Variants in SPOCK1 observed in about 807,000 individuals in gnomAD.
SPOCK1 encodes testican-1.
In SPOCK1, 23 loss-of-function variants were observed where a neutral mutation model predicts 55.3. The observed-to-expected ratio is 0.42, with a 90% CI of 0.30 to 0.59. The LOEUF (loss-of-function observed/expected upper bound fraction) is 0.59. SPOCK1 is among the 20% of genes least tolerant of loss of function. SPOCK1 has a pLI of 0.22. For synonymous variants in SPOCK1, 226 were observed against 221.0 expected (o/e 1.02, Z -0.20); for missense variants, 499 against 552.5 (o/e 0.90, Z 0.97).
chr5:137,436,552 T>C (rs537149997), intron 2 of SPOCK1, among the ~76,000 whole-genome samples: 19 of 152,300 alleles, frequency 1.2e-4, no homozygotes, highest in African/African-American at 4.6e-4. Context: ...TCCTCTATTA[T>C]GCATCATTTC....
At chr5:137,181,508 G>A (rs1754968155) in intron 3 of SPOCK1, among the ~76,000 whole-genome samples, 1 of 152,232 alleles carries the variant, frequency 6.6e-6, no homozygotes, top group African/African-American at 2.4e-5. Context: ...ACTCTAGGCT[G>A]AATTCAGGGA....
chr5:137,438,477 A>G (rs1752912564), intron 2 of SPOCK1, among the ~76,000 whole-genome samples: 1 of 152,174 alleles, frequency 6.6e-6, no homozygotes, highest in South Asian at 2.1e-4. Context: ...CAAAGGAGAA[A>G]TGCAAGTCCT....
At position 137,407,643 on chromosome 5, in the gene SPOCK1, A is replaced by G. The variant is rs116567351; in HGVS notation, c.186+90730T>C. On this transcript the variant is annotated intron_variant, in intron 2 of 10. Coordinates refer to ENST00000394945, the MANE Select transcript of SPOCK1 (RefSeq NM_004598.4). ...TCTTGAGTCCAAACCCCAACATAAA[A>G]TGCCAGTGATTCAGGCTAGACCATA... Among the ~76,000 whole-genome samples the G allele has an allele frequency of 2.6e-3, 393 of 152,176 alleles. 1 individual carries two copies. Among genetic ancestry groups the G allele is most frequent in the African/African-American group, 9.1e-3 (376 of 41,500 alleles).
intron 10 of SPOCK1, 45 bp from the exon 11 acceptor site, chr5:136,978,889 TC>T: frequency 6.4e-7 from 1 of 1,550,542 alleles, no homozygotes; most frequent in Non-Finnish European, 8.7e-7. Context: ...CACTTATACC[TC>T]ATGACCCACG....
rs532314301 is a variant in SPOCK1 at position 137,356,901 on chromosome 5, C to A, written c.187-89846G>T. On this transcript the variant is annotated intron_variant, in intron 2 of 10. Transcript: ENST00000394945. Reference sequence around the variant, plus strand: ...GTATGCAGACCAACCAGGGGGCCAGCTACTTACTATGTTTCCTCTCCCAGC... The same window carrying A: ...GTATGCAGACCAACCAGGGGGCCAGATACTTACTATGTTTCCTCTCCCAGC... Among the ~76,000 whole-genome samples the A allele has an allele frequency of 4.0e-5, 5 of 124,002 alleles. No individual in the cohort carries two copies. The East Asian group carries it at 1.2e-3, about 31-fold the overall frequency. The allele number at this position is 124,002 out of a possible 152,430, so 81.4% of individuals were successfully genotyped here.
At chr5:137,364,162 G>A (rs1297260883) in intron 2 of SPOCK1, among the ~76,000 whole-genome samples, 2 of 152,178 alleles carry the variant, frequency 1.3e-5, no homozygotes, top group Non-Finnish European at 2.9e-5. Context: ...CCCCTTCACA[G>A]GCCTTTCTGA....
chr5:137,149,197 A>G (rs528992031), intron 3 of SPOCK1, among the ~76,000 whole-genome samples: 58 of 152,324 alleles, frequency 3.8e-4, no homozygotes, highest in African/African-American at 1.4e-3. Context: ...GTTTCTGTGA[A>G]GTGTGCGTAT....
intron 2 of SPOCK1, among the ~76,000 whole-genome samples, chr5:137,353,367 C>T (rs1160107844): frequency 6.6e-6 from 1 of 152,012 alleles, no homozygotes. Flanking sequence ...GATGACAGAG[C>T]AAAACCCTGA....
chr5:137,046,591 C>CA (rs1383623277), intron 6 of SPOCK1, among the ~76,000 whole-genome samples: 1,816 of 100,464 alleles, frequency 0.018, 26 homozygotes, highest in Middle Eastern at 0.069. Flanking sequence ...CAAACAGGGA[C>CA]AATTTGACTT....
intron 2 of SPOCK1, chr5:137,273,241 A>G (rs1450898096): frequency 3.5e-5 from 11 of 317,262 alleles, no homozygotes; most frequent in Non-Finnish European, 5.0e-5. Context: ...TGAAAAATAA[A>G]TGTGTGTGGT....
intron 3 of SPOCK1, among the ~76,000 whole-genome samples, chr5:137,263,160 A>G (rs1224162402): frequency 6.6e-6 from 1 of 150,944 alleles, no homozygotes; most frequent in African/African-American, 2.4e-5. Context: ...AGTATCTGAT[A>G]GGTGTGTAGT....
intron 3 of SPOCK1, among the ~76,000 whole-genome samples, chr5:137,161,542 T>A (rs11748042): frequency 0.13 from 19,838 of 152,204 alleles, 1,463 homozygotes; most frequent in East Asian, 0.23. Flanking sequence ...ACATTTTTTA[T>A]GATTTATATT....
At chr5:137,340,151 G>T (rs1160610892) in intron 2 of SPOCK1, among the ~76,000 whole-genome samples, 2 of 152,144 alleles carry the variant, frequency 1.3e-5, no homozygotes, top group Non-Finnish European at 2.9e-5. Flanking sequence ...GGGCCTTTCA[G>T]TCTCCAGCTG....
intron 3 of SPOCK1, among the ~76,000 whole-genome samples, chr5:137,143,979 G>C (rs1242343250): frequency 1.3e-5 from 2 of 152,154 alleles, no homozygotes; most frequent in South Asian, 2.1e-4. Flanking sequence ...CTCATGCCAA[G>C]GGCCCAAGTG....
At chr5:137,102,373 A>T (rs1373015727) in intron 5 of SPOCK1, among the ~76,000 whole-genome samples, 1 of 152,144 alleles carries the variant, frequency 6.6e-6, no homozygotes, top group Non-Finnish European at 1.5e-5. Flanking sequence ...TGGGGCTATT[A>T]AAATCCCTAT....
intron 3 of SPOCK1, among the ~76,000 whole-genome samples, chr5:137,251,950 T>C (rs1419235823): frequency 6.6e-6 from 1 of 151,884 alleles, no homozygotes; most frequent in East Asian, 1.9e-4. Flanking sequence ...GACAGAGTCT[T>C]GCTCTGTTGC....
chr5:137,389,941 C>T (rs770072492), intron 2 of SPOCK1, among the ~76,000 whole-genome samples: 4 of 152,148 alleles, frequency 2.6e-5, no homozygotes, highest in African/African-American at 4.8e-5. Context: ...ATACCACCCC[C>T]GCCCCATCCT....
At chr5:137,152,464 C>T (rs930878467) in intron 3 of SPOCK1, among the ~76,000 whole-genome samples, 11 of 152,150 alleles carry the variant, frequency 7.2e-5, no homozygotes, top group Non-Finnish European at 2.9e-5. Context: ...TGGAAAAGGA[C>T]CTATGGGGTT....
chr5:136,991,710 T>C (rs1347165404), intron 7 of SPOCK1, among the ~76,000 whole-genome samples: 1 of 152,222 alleles, frequency 6.6e-6, no homozygotes, highest in Non-Finnish European at 1.5e-5. Flanking sequence ...ATCTATTCTG[T>C]GCTCATTGGC....
Sources: allele counts gnomAD v4.1 joint callset (sites outside exome capture counted in the v4.1 genomes callset), GRCh38; gene constraint gnomAD v4.1.1; transcripts MANE v1.5; gene names NCBI Gene and HGNC (gene_info 2026-07-23, HGNC 2026-07-21).